Variants in NALCN observed in about 807,000 individuals in gnomAD.
NALCN encodes the protein sodium leak channel, non-selective.
Under a neutral mutation model 225.3 loss-of-function variants are expected in NALCN, and 111 were observed. The ratio of observed to expected loss-of-function variants is 0.49; its 90% CI spans 0.42 to 0.58. The LOEUF (loss-of-function observed/expected upper bound fraction) is 0.58. Ranked by LOEUF, NALCN falls within the 20% of genes least tolerant of loss-of-function variation. NALCN has a pLI of 0.00. For missense variants in NALCN, 1,378 were observed against 2,202.4 expected (o/e 0.63, Z 7.49); for synonymous variants, 764 against 769.0 (o/e 0.99, Z 0.11).
At chr13:101,060,000 A>G (rs1385841118) in intron 41 of NALCN, 33 bp from the exon 42 acceptor site, 1 of 1,610,520 alleles carries the variant, frequency 6.2e-7, no homozygotes, top group Non-Finnish European at 8.5e-7. Flanking sequence ...TCAGTAAAAT[A>G]AGCCCAGCAT....
intron 9 of NALCN, among the ~76,000 whole-genome samples, chr13:101,287,461 A>G (rs1370735317): frequency 6.6e-6 from 1 of 152,210 alleles, no homozygotes; most frequent in Non-Finnish European, 1.5e-5. Flanking sequence ...CCAGTTATAT[A>G]ACATTGGGTT....
At chr13:101,369,154 A>G (rs901372449) in intron 6 of NALCN, among the ~76,000 whole-genome samples, 3 of 136,896 alleles carry the variant, frequency 2.2e-5, no homozygotes, top group Admixed American at 7.4e-5. Context: ...ACATAAAAAG[A>G]AGACAAAATA....
At chr13:101,234,000 G>A (rs551850004) in intron 12 of NALCN, among the ~76,000 whole-genome samples, 24 of 152,104 alleles carry the variant, frequency 1.6e-4, no homozygotes, top group Non-Finnish European at 3.1e-4. Flanking sequence ...TCTCCACCTG[G>A]AATGCTTCCC....
intron 40 of NALCN, among the ~76,000 whole-genome samples, chr13:101,063,433 A>C (rs947027329): frequency 6.6e-6 from 1 of 152,166 alleles, no homozygotes. Flanking sequence ...CCCATCACAG[A>C]TTTTGCCTGG....
chr13:101,107,880 C>T, intron 20 of NALCN, 91 bp from the exon 21 acceptor site: 1 of 757,958 alleles, frequency 1.3e-6, no homozygotes. Context: ...CTAATATCTC[C>T]CTCAATATAA....
intron 7 of NALCN, among the ~76,000 whole-genome samples, chr13:101,302,739 C>A (rs1397486244): frequency 6.6e-6 from 1 of 152,044 alleles, no homozygotes; most frequent in South Asian, 2.1e-4. Flanking sequence ...GAAGCTTGTA[C>A]ATGGGGAAAT....
chr13:101,376,341 G>C (rs1033463420), intron 6 of NALCN, among the ~76,000 whole-genome samples: 1 of 151,756 alleles, frequency 6.6e-6, no homozygotes, highest in East Asian at 1.9e-4. Flanking sequence ...TTGAATACTT[G>C]TCTTTAAAAA....
At chr13:101,146,901 C>T (rs763594391) in intron 15 of NALCN, among the ~76,000 whole-genome samples, 12 of 151,736 alleles carry the variant, frequency 7.9e-5, no homozygotes, top group Non-Finnish European at 1.8e-4. Flanking sequence ...ACAGAGTGCT[C>T]GGAAACACAA....
At chr13:101,101,284 T>TG (rs1555381282) in intron 26 of NALCN, among the ~76,000 whole-genome samples, 1 of 140,396 alleles carries the variant, frequency 7.1e-6, no homozygotes, top group South Asian at 2.3e-4. Flanking sequence ...TTTTTTTCTT[T>TG]TTTTTTTTTT....
chr13:101,057,104 A>G (rs2031359961), intron 43 of NALCN: 1 of 152,196 alleles, frequency 6.6e-6, no homozygotes, highest in African/African-American at 2.4e-5. Context: ...CACATATGCT[A>G]CACATCTTCT....
chr13:101,058,265 C>T (rs1594109485), intron 42 of NALCN: 1 of 540,526 alleles, frequency 1.9e-6, no homozygotes, highest in East Asian at 3.2e-5. Flanking sequence ...GGAGACACCA[C>T]TCTTCCTGGG....
chr13:101,144,248 C>G (rs979893842), intron 16 of NALCN, among the ~76,000 whole-genome samples: 2 of 152,134 alleles, frequency 1.3e-5, no homozygotes, highest in Non-Finnish European at 2.9e-5. Flanking sequence ...GGAAAAACGC[C>G]ACGGTTCTTC....
chr13:101,063,031 A>G (rs1347236169), intron 40 of NALCN, among the ~76,000 whole-genome samples: 2 of 152,254 alleles, frequency 1.3e-5, no homozygotes, highest in African/African-American at 2.4e-5. Context: ...TCATGGGGCA[A>G]TAAGGCAGCT....
chr13:101,059,434 G>A (rs2031647593), intron 42 of NALCN: 1 of 157,660 alleles, frequency 6.3e-6, no homozygotes, highest in South Asian at 2.0e-4. Flanking sequence ...TTAGAGAAGG[G>A]AGGAAAATAT....
chr13:101,329,153 T>C lies in NALCN; in HGVS notation c.799+16113A>G, dbSNP rs557811984. 2.6e-5 allele frequency among the ~76,000 whole-genome samples: 4 copies of C among 152,336 alleles called. No individual in the cohort carries two copies. The East Asian group carries it at 7.7e-4, about 29-fold the overall frequency. On this transcript the variant is annotated intron_variant, in intron 7 of 43. Coordinates refer to ENST00000251127, the MANE Select transcript of NALCN (RefSeq NM_052867.4). The stretch of plus-strand genomic sequence containing the variant: ...TGGTGTCAAGATTTACAATCACCGC[T>C]AGTTTTTAAATGAGATAATATATCT...
At chr13:101,191,458 C>A (rs34239653) in intron 14 of NALCN, among the ~76,000 whole-genome samples, 40,582 of 151,932 alleles carry the variant, frequency 0.27, 5,846 homozygotes, top group African/African-American at 0.37. Flanking sequence ...TAGCACAAAA[C>A]CACTGTGCTG....
At position 101,292,469 on chromosome 13, in the gene NALCN, T is replaced by G. The variant is rs1308989059; in HGVS notation, c.800-103A>C. 1.7e-6 allele frequency: 2 copies of G among 1,210,996 alleles called. No homozygotes were observed. The highest frequency in any genetic ancestry group is 3.0e-5 in the African/African-American group (2 of 65,588). 75.0% of individuals were successfully genotyped at this position (1,210,996 alleles called of 1,614,324 possible). ...TATTTATCCATACTTATTTTCTCAA[T>G]GACAAAAGTGCTTCAAAAATTGATT... On this transcript the variant is annotated intron_variant, in intron 7 of 43. Transcript: ENST00000251127. This position sits in a 1 kb window ranked among gnomAD's most constrained non-coding sequence, Gnocchi z 4.3.
At chr13:101,340,896 G>A (rs766078160) in intron 7 of NALCN, among the ~76,000 whole-genome samples, 3 of 152,076 alleles carry the variant, frequency 2.0e-5, no homozygotes, top group Non-Finnish European at 4.4e-5. Flanking sequence ...TTTTTGGGAC[G>A]TGGTCATAGA....
intron 9 of NALCN, among the ~76,000 whole-genome samples, chr13:101,290,943 A>T (rs1006660939): frequency 6.6e-6 from 1 of 152,202 alleles, no homozygotes; most frequent in African/African-American, 2.4e-5. Flanking sequence ...CGCTAGAAGA[A>T]GATACACAAA....
Sources: allele counts gnomAD v4.1 joint callset (sites outside exome capture counted in the v4.1 genomes callset), GRCh38; gene constraint gnomAD v4.1.1; non-coding constraint Gnocchi (gnomAD v3.1); transcripts MANE v1.5; gene names NCBI Gene and HGNC (gene_info 2026-07-23, HGNC 2026-07-21).